The following EBF3 variants were observed in gnomAD, a reference collection of about 807,000 sequenced individuals.
The protein encoded by EBF3 is EBF transcription factor 3, also known as transcription factor COE3.
A neutral mutation model predicts 77.1 loss-of-function variants in EBF3; 18 were observed. That is an observed-to-expected ratio of 0.23 (90% CI 0.16 to 0.35). The LOEUF (loss-of-function observed/expected upper bound fraction) is 0.35, where lower values mean the gene tolerates loss of function less well. EBF3 is among the 10% of genes least tolerant of loss of function. EBF3 has a pLI of 1.00. For missense variants in EBF3, 558 were observed against 860.0 expected (o/e 0.65, Z 4.39); for synonymous variants, 350 against 343.5 (o/e 1.02, Z -0.21).
chr10:129,891,438 CACAG>C (rs1367935298), intron 6 of EBF3, among the ~76,000 whole-genome samples: 6 of 152,166 alleles, frequency 3.9e-5, no homozygotes, highest in Admixed American at 6.5e-5. Context: ...TCTGAACAAG[CACAG>C]ACAGATATTT....
chr10:129,843,854 G>A (rs568743900), intron 11 of EBF3, among the ~76,000 whole-genome samples: 3 of 152,302 alleles, frequency 2.0e-5, no homozygotes, highest in South Asian at 2.1e-4. Context: ...TTCACATTCC[G>A]AGAGTGTGCG....
rs1259417105 is a variant in EBF3, at chr10:129,943,676, CATTT to C, written c.554+13578_554+13581del. On this transcript the variant is annotated intron_variant, in intron 6 of 16. Coordinates refer to ENST00000440978, the MANE Select transcript of EBF3 (RefSeq NM_001375380.1). The surrounding 1 kb of genome is among the most constrained non-coding windows in gnomAD (Gnocchi z 8.8). ...TTTTCCTCATTTATTTTCCTTCAGA[CATTT>C]TTTTTTTACCTCTGCTATGAATTAA... Among the ~76,000 whole-genome samples, 1 of 150,120 alleles carries C rather than the reference CATTT, an allele frequency of 6.7e-6. No individual in the cohort carries two copies. Among genetic ancestry groups the C allele is most frequent in the Non-Finnish European group, 1.5e-5 (1 of 68,000 alleles).
In EBF3 at chr10:129,864,566, A is replaced by G. The variant is rs1448549681; in HGVS notation, c.1039+2575T>C. On this transcript the variant is annotated intron_variant, in intron 10 of 16. Transcript: ENST00000440978. The surrounding 1 kb of genome is among the most constrained non-coding windows in gnomAD (Gnocchi z 4.4). ...ACATATGCAAAGATCTGAACTCATG[A>G]AAGGATCCACTGAAGGCATCCACTA... is the stretch of plus-strand genomic sequence containing the variant. Among the ~76,000 whole-genome samples the G allele has an allele frequency of 2.0e-5, 3 of 152,220 alleles. No homozygotes were observed. The highest frequency in any genetic ancestry group is 4.4e-5 in the Non-Finnish European group (3 of 68,048).
chr10:129,856,743 A>G (rs919558482), intron 10 of EBF3, among the ~76,000 whole-genome samples: 8 of 152,240 alleles, frequency 5.3e-5, no homozygotes, highest in African/African-American at 1.2e-4. Flanking sequence ...TGAAGAAAAC[A>G]TTGTTGAATT....
intron 6 of EBF3, among the ~76,000 whole-genome samples, chr10:129,942,427 A>G (rs1857827383): frequency 6.6e-6 from 1 of 152,198 alleles, no homozygotes; most frequent in Admixed American, 6.5e-5. Flanking sequence ...TGCCAAACAA[A>G]ACAAAAGCAA....
At chr10:129,855,267 G>A (rs576385899) in intron 10 of EBF3, among the ~76,000 whole-genome samples, 1 of 152,340 alleles carries the variant, frequency 6.6e-6, no homozygotes, top group Middle Eastern at 3.4e-3. Context: ...ACAGGGACCA[G>A]CTTCCATTCA....
intron 16 of EBF3, among the ~76,000 whole-genome samples, chr10:129,838,466 G>A (rs546359444): frequency 8.5e-5 from 13 of 152,262 alleles, no homozygotes; most frequent in South Asian, 2.1e-4. Flanking sequence ...CTGACCGTGC[G>A]GTCATCTCTC....
At chr10:129,954,551 A>G (rs1266947617) in intron 6 of EBF3, among the ~76,000 whole-genome samples, 3 of 152,138 alleles carry the variant, frequency 2.0e-5, no homozygotes, top group Admixed American at 6.5e-5. Context: ...ACCCTGCCAG[A>G]GCGAGGAGCT....
At chr10:129,956,385 T>C (rs996115989) in intron 6 of EBF3, among the ~76,000 whole-genome samples, 1 of 152,224 alleles carries the variant, frequency 6.6e-6, no homozygotes, top group Non-Finnish European at 1.5e-5. Context: ...AATTTCAAAA[T>C]CTGCAGTCAA....
Position 129,864,100 on chromosome 10 carries a change from G to A in EBF3, c.1039+3041C>T, listed in dbSNP as rs1851826557. On this transcript the variant is annotated intron_variant, in intron 10 of 16. Transcript: ENST00000440978. The surrounding 1 kb of genome is among the most constrained non-coding windows in gnomAD (Gnocchi z 4.4). ...CACTTGGACAGGCTGGGTGGGGGCT[G>A]GAACTAAGGGGTCCACTGGTCCCTT... Among the ~76,000 whole-genome samples the A allele has an allele frequency of 6.6e-6, 1 of 152,150 alleles. No homozygotes were observed. The highest frequency in any genetic ancestry group is 2.1e-4 in the South Asian group (1 of 4,820).
chr10:129,949,423 G>A (rs965755960), intron 6 of EBF3, among the ~76,000 whole-genome samples: 11 of 152,196 alleles, frequency 7.2e-5, no homozygotes, highest in Non-Finnish European at 1.5e-4. Context: ...AGACTAAGCC[G>A]GCTTTCCTGG....
intron 8 of EBF3, among the ~76,000 whole-genome samples, chr10:129,868,947 A>G (rs534072246): frequency 1.3e-3 from 192 of 152,346 alleles, no homozygotes; most frequent in African/African-American, 4.4e-3. Flanking sequence ...GGGCCAGGAC[A>G]CTATCCTCAG....
In EBF3 at chr10:129,870,040, GA is replaced by G. The variant is rs565756128; in HGVS notation, c.782-2129del. Among the ~76,000 whole-genome samples, 10 of 151,874 alleles carry G rather than the reference GA, an allele frequency of 6.6e-5. 1 individual carries two copies. The highest frequency in any genetic ancestry group is 6.2e-4 in the South Asian group (3 of 4,808). On this transcript the variant is annotated intron_variant, in intron 8 of 16. Transcript: ENST00000440978. This position sits in a 1 kb window ranked among gnomAD's most constrained non-coding sequence, Gnocchi z 4.4. The stretch of plus-strand genomic sequence containing the variant: ...CAAATTTACTTTGGAGGTGAGAAAA[GA>G]AAAAAAGAATCCAGGATCTACTGCA...
At chr10:129,904,932 T>C (rs1465452799) in intron 6 of EBF3, among the ~76,000 whole-genome samples, 1 of 152,220 alleles carries the variant, frequency 6.6e-6, no homozygotes, top group Non-Finnish European at 1.5e-5. Context: ...GACACAAAAT[T>C]ATAATCACGA....
chr10:129,874,835 A>G (rs959143495), intron 7 of EBF3, among the ~76,000 whole-genome samples: 2 of 152,172 alleles, frequency 1.3e-5, no homozygotes, highest in African/African-American at 4.8e-5. Flanking sequence ...AGCCAAGGCC[A>G]CCATAGGCCT....
chr10:129,837,704 A>T lies in EBF3; in HGVS notation c.*239T>A. ...GGACTGAGAAATGTGAAAATATGAG[A>T]AAAGTTCAGTCAATAAAATGGAATT... is the stretch of plus-strand genomic sequence containing the variant. On this transcript the variant is annotated 3_prime_UTR_variant, in exon 17 of 17. Transcript: ENST00000440978. 1 of 557,512 alleles carries T rather than the reference A, an allele frequency of 1.8e-6. No homozygotes were observed. The highest frequency in any genetic ancestry group is 3.2e-6 in the Non-Finnish European group (1 of 317,290). The allele number at this position is 557,512 out of a possible 1,614,324, so 34.5% of individuals were successfully genotyped here.
chr10:129,964,164 G>A lies in EBF3; in HGVS notation c.-396C>T. 6 of 984,978 alleles carry A rather than the reference G, an allele frequency of 6.1e-6. No homozygotes were observed. The highest frequency in any genetic ancestry group is 7.2e-6 in the Non-Finnish European group (6 of 829,798). The allele number at this position is 984,978 out of a possible 1,614,324, so 61.0% of individuals were successfully genotyped here. A position where few individuals can be genotyped will look rare whatever the true frequency, so the allele number is the denominator to read the frequency against. ...CCTGCTCCAAAGACAAATAAACGGG[G>A]CAGTGAGTGCTGCGGCGCAGTCCCG... On this transcript the variant is annotated 5_prime_UTR_variant, in exon 1 of 17. Coordinates refer to ENST00000440978, the MANE Select transcript of EBF3 (RefSeq NM_001375380.1). The surrounding 1 kb of genome is among the most constrained non-coding windows in gnomAD (Gnocchi z 4.5).
chr10:129,877,215 G>A (rs1852846971), intron 7 of EBF3, among the ~76,000 whole-genome samples: 1 of 152,074 alleles, frequency 6.6e-6, no homozygotes, highest in Non-Finnish European at 1.5e-5. Flanking sequence ...TCTGGGCTGG[G>A]CACGGTGGCT....
chr10:129,857,530 G>A (rs1589718761), intron 10 of EBF3, among the ~76,000 whole-genome samples: 1 of 152,274 alleles, frequency 6.6e-6, no homozygotes, highest in East Asian at 1.9e-4. Context: ...TCTCAAATCT[G>A]CCAGCGCCTC....
Sources: allele counts gnomAD v4.1 joint callset (sites outside exome capture counted in the v4.1 genomes callset), GRCh38; gene constraint gnomAD v4.1.1; non-coding constraint Gnocchi (gnomAD v3.1); transcripts MANE v1.5; gene names NCBI Gene and HGNC (gene_info 2026-07-23, HGNC 2026-07-21).